LRP1B: variants seen among roughly 807,000 people sequenced by gnomAD.
The protein encoded by LRP1B is LDL receptor related protein 1B.
LRP1B carries 217 observed loss-of-function variants against 556.6 expected under a neutral mutation model. The ratio of observed to expected loss-of-function variants is 0.39; its 90% confidence interval spans 0.35 to 0.44. LRP1B has a LOEUF of 0.44. Ranked by LOEUF, LRP1B falls within the 20% of genes least tolerant of loss-of-function variation. The probability of loss-of-function intolerance (pLI) is 1.00; values close to 1 mark genes in which losing one functional copy is unlikely to be tolerated. For missense variants in LRP1B, 5,053 were observed against 5,620.8 expected (o/e 0.90, Z 3.23); for synonymous variants, 2,047 against 1,865.8 (o/e 1.10, Z -2.50).
intron 86 of LRP1B, among the ~76,000 whole-genome samples, chr2:140,249,036 C>T (rs1279626527): frequency 4.8e-5 from 2 of 41,560 alleles, no homozygotes; most frequent in African/African-American, 1.0e-4. Context: ...TACATTATCT[C>T]ATTTAAAAGA....
intron 35 of LRP1B, among the ~76,000 whole-genome samples, chr2:140,740,263 C>T (rs551249994): frequency 4.6e-5 from 7 of 152,090 alleles, no homozygotes; most frequent in Non-Finnish European, 8.8e-5. Flanking sequence ...GAAACCAACC[C>T]AAATGCCCAT....
chr2:141,747,046 T>G (rs1184230817), intron 2 of LRP1B, among the ~76,000 whole-genome samples: 1 of 152,212 alleles, frequency 6.6e-6, no homozygotes, highest in African/African-American at 2.4e-5. Flanking sequence ...AAGGGAAACC[T>G]CTTCCCCTTA....
intron 3 of LRP1B, among the ~76,000 whole-genome samples, chr2:141,475,141 C>T (rs1026269047): frequency 2.2e-4 from 34 of 152,018 alleles, no homozygotes; most frequent in African/African-American, 7.0e-4. Flanking sequence ...TGGGAGGCAA[C>T]GCAGGTGGAT....
intron 9 of LRP1B, among the ~76,000 whole-genome samples, chr2:141,056,015 C>T (rs1399528239): frequency 1.3e-5 from 2 of 151,738 alleles, no homozygotes; most frequent in African/African-American, 2.4e-5. Flanking sequence ...TAAGATTTTA[C>T]ATATTATTGT....
chr2:142,087,516 T>C (rs1418481333), intron 1 of LRP1B, among the ~76,000 whole-genome samples: 2 of 151,540 alleles, frequency 1.3e-5, no homozygotes, highest in Admixed American at 6.6e-5. Flanking sequence ...CCTCTGAGTC[T>C]CTGCCACTTA....
In LRP1B at chr2:141,576,472, A is replaced by AACTTAGAGG. The variant is rs546170230; in HGVS notation, c.206-95948_206-95940dup. Among the ~76,000 whole-genome samples the AACTTAGAGG allele has an allele frequency of 7.9e-5, 12 of 152,200 alleles. No individual in the cohort carries two copies. The South Asian group carries it at 2.3e-3, about 29-fold the overall frequency. On this transcript the variant is annotated intron_variant, in intron 2 of 90. Transcript: ENST00000389484. Reference sequence around the variant, plus strand: ...TGGGGAGCGGGGGATGAGGGGAGGGAACTTAGAGGACGGGTCAATAGGTGC... The same window carrying AACTTAGAGG: ...TGGGGAGCGGGGGATGAGGGGAGGGAACTTAGAGGACTTAGAGGACGGGTCAATAGGTGC...
At chr2:140,520,983 A>C (rs1690145243) in intron 49 of LRP1B, among the ~76,000 whole-genome samples, 1 of 151,800 alleles carries the variant, frequency 6.6e-6, no homozygotes, top group South Asian at 2.1e-4. Flanking sequence ...GGTCCTTCAT[A>C]TTAATTTTTT....
intron 66 of LRP1B, among the ~76,000 whole-genome samples, chr2:140,390,647 A>T (rs1683973919): frequency 6.6e-6 from 1 of 152,088 alleles, no homozygotes; most frequent in African/African-American, 2.4e-5. Context: ...TGAATAGATG[A>T]GGGACATATC....
intron 2 of LRP1B, among the ~76,000 whole-genome samples, chr2:141,749,024 T>A (rs1694009678): frequency 6.6e-6 from 1 of 152,118 alleles, no homozygotes; most frequent in Non-Finnish European, 1.5e-5. Context: ...TCTAAATCTG[T>A]AATCAATCTA....
At chr2:141,663,626 C>T (rs190463378) in intron 2 of LRP1B, among the ~76,000 whole-genome samples, 246 of 152,104 alleles carry the variant, frequency 1.6e-3, no homozygotes, top group Non-Finnish European at 2.8e-3. Flanking sequence ...CGCCCTCCCA[C>T]GACAGAACCA....
intron 2 of LRP1B, among the ~76,000 whole-genome samples, chr2:141,515,632 C>T (rs1382879221): frequency 6.6e-6 from 1 of 152,090 alleles, no homozygotes; most frequent in African/African-American, 2.4e-5. Context: ...AAAATTCTGA[C>T]AGTAAATTTT....
rs1323542079 is a variant in LRP1B, at chr2:141,488,147, T to G, written c.206-7614A>C. Among the ~76,000 whole-genome samples the G allele has an allele frequency of 3.3e-5, 5 of 151,100 alleles. No homozygotes were observed. In the East Asian group the frequency reaches 9.8e-4, roughly 30 times the overall value. ...AATGTATCATATATGCATGGTTGCA[T>G]ATATCTCTTGAGGCCCAAGGACTTA... On this transcript the variant is annotated intron_variant, in intron 2 of 90. Transcript: ENST00000389484.
intron 7 of LRP1B, among the ~76,000 whole-genome samples, chr2:141,179,812 A>T (rs1680912025): frequency 6.6e-6 from 1 of 151,188 alleles, no homozygotes; most frequent in African/African-American, 2.4e-5. Context: ...AAAAATATCA[A>T]TTTTGGTTCA....
intron 55 of LRP1B, among the ~76,000 whole-genome samples, chr2:140,501,065 A>G (rs1050206796): frequency 2.0e-5 from 3 of 152,002 alleles, no homozygotes; most frequent in African/African-American, 7.2e-5. Context: ...CCGTCATTCC[A>G]ACATACTGAA....
chr2:142,002,978 G>C (rs1254879137), intron 1 of LRP1B, among the ~76,000 whole-genome samples: 1 of 152,158 alleles, frequency 6.6e-6, no homozygotes, highest in Non-Finnish European at 1.5e-5. Context: ...TAATTCACAA[G>C]TCCTTACAAC....
At chr2:141,695,260 T>C (rs1691695224) in intron 2 of LRP1B, among the ~76,000 whole-genome samples, 2 of 152,014 alleles carry the variant, frequency 1.3e-5, no homozygotes, top group Non-Finnish European at 2.9e-5. Flanking sequence ...ATTTGACATA[T>C]TCTGATGCCT....
At chr2:140,711,396 C>A (rs1361705544) in intron 37 of LRP1B, among the ~76,000 whole-genome samples, 1 of 151,958 alleles carries the variant, frequency 6.6e-6, no homozygotes, top group African/African-American at 2.4e-5. Context: ...CTCATACCAG[C>A]TGGACCTTAT....
At chr2:141,259,536 T>A (rs1482227994) in intron 3 of LRP1B, among the ~76,000 whole-genome samples, 1 of 152,202 alleles carries the variant, frequency 6.6e-6, no homozygotes, top group Non-Finnish European at 1.5e-5. Flanking sequence ...TGTACACTTG[T>A]CAGCCATCTG....
chr2:140,487,144 TCCA>T (rs1369330498), intron 58 of LRP1B, among the ~76,000 whole-genome samples: 1 of 151,926 alleles, frequency 6.6e-6, no homozygotes, highest in African/African-American at 2.4e-5. Context: ...TGTGATCCTC[TCCA>T]ATCAGGACGT....
Sources: allele counts gnomAD v4.1 joint callset (sites outside exome capture counted in the v4.1 genomes callset), GRCh38; gene constraint gnomAD v4.1.1; transcripts MANE v1.5; gene names NCBI Gene and HGNC (gene_info 2026-07-23, HGNC 2026-07-21).